The following DTD1 variants were observed in gnomAD, a reference collection of about 807,000 sequenced individuals.
The protein encoded by DTD1 is D-aminoacyl-tRNA deacylase 1.
DTD1 carries 13 observed loss-of-function variants against 25.6 expected under a neutral mutation model. The ratio of observed to expected loss-of-function variants is 0.51; its 90% CI spans 0.33 to 0.81. DTD1 has a LOEUF of 0.81. Among genes scored for constraint, DTD1 ranks in the 30% least tolerant of loss-of-function variants. The probability of loss-of-function intolerance (pLI) is 0.02; values close to 1 mark genes in which losing one functional copy is unlikely to be tolerated. For missense variants in DTD1, 193 were observed against 266.4 expected (o/e 0.72, Z 1.92); for synonymous variants, 110 against 103.6 (o/e 1.06, Z -0.37).
chr20:18,756,482 A>G (rs1376872224), intron 5 of DTD1, among the ~76,000 whole-genome samples: 1 of 152,230 alleles, frequency 6.6e-6, no homozygotes, highest in Non-Finnish European at 1.5e-5. Context: ...TCAGCTTTCT[A>G]CATATGGCTA....
At chr20:18,661,583 G>A (rs1051670911) in intron 4 of DTD1, among the ~76,000 whole-genome samples, 3 of 152,078 alleles carry the variant, frequency 2.0e-5, no homozygotes, top group Non-Finnish European at 4.4e-5. Context: ...GTGTTAGCCA[G>A]GATGGTTTTG....
chr20:18,638,919 G>A (rs192073962), intron 4 of DTD1, among the ~76,000 whole-genome samples: 1 of 152,254 alleles, frequency 6.6e-6, no homozygotes, highest in Non-Finnish European at 1.5e-5. Context: ...TTTTCTGTCA[G>A]TGACTCATGT....
chr20:18,650,394 G>T (rs894770645), intron 4 of DTD1, among the ~76,000 whole-genome samples: 1 of 152,134 alleles, frequency 6.6e-6, no homozygotes, highest in African/African-American at 2.4e-5. Context: ...TCATGTTGCA[G>T]CCTATCACGG....
At chr20:18,690,772 A>G (rs1486505820) in intron 4 of DTD1, among the ~76,000 whole-genome samples, 1 of 151,924 alleles carries the variant, frequency 6.6e-6, no homozygotes, top group African/African-American at 2.4e-5. Flanking sequence ...AATGTCAGGT[A>G]ATGTGATGCC....
chr20:18,612,817 C>T (rs2060693049), intron 3 of DTD1, among the ~76,000 whole-genome samples: 1 of 152,080 alleles, frequency 6.6e-6, no homozygotes. Flanking sequence ...TGCCACCACA[C>T]CTGGCTAATT....
At chr20:18,720,342 A>C (rs2061197136) in intron 4 of DTD1, among the ~76,000 whole-genome samples, 1 of 152,240 alleles carries the variant, frequency 6.6e-6, no homozygotes. Flanking sequence ...CTAACTAGGT[A>C]ACCTCATTTG....
rs1220448754 is a variant in DTD1 at position 18,631,944 on chromosome 20, A to AT, written c.477+3715dup. 15 of 965,328 alleles carry AT rather than the reference A, an allele frequency of 1.6e-5. No individual in the cohort carries two copies. The African/African-American group carries it at 2.5e-4, about 16-fold the overall frequency. The allele number at this position is 965,328 out of a possible 1,614,324, so 59.8% of individuals were successfully genotyped here. The stretch of plus-strand genomic sequence containing the variant: ...GGTCAAAGGGTACAAAGATGCAGTT[A>AT]TTTTGGGTGAGTAAGTCTCAAGATC... On this transcript the variant is annotated intron_variant, in intron 4 of 5. Coordinates refer to ENST00000377452, the MANE Select transcript of DTD1 (RefSeq NM_080820.6).
chr20:18,744,375 C>A, intron 5 of DTD1, 104 bp downstream of exon 5: 1 of 1,237,364 alleles, frequency 8.1e-7, no homozygotes, highest in Non-Finnish European at 1.1e-6. Flanking sequence ...TCACAGCGTT[C>A]ATCCATAGCT....
Position 18,764,284 on chromosome 20 carries a change from C to G in DTD1, c.*944C>G, listed in dbSNP as rs542626895. On this transcript the variant is annotated 3_prime_UTR_variant, in exon 6 of 6. Transcript: ENST00000377452. The stretch of plus-strand genomic sequence containing the variant: ...CTTTATCCAGTAGCTACATGGTTGT[C>G]CATGTATCCAAGTCACCACACCCAG... 1 of 152,264 alleles carries G rather than the reference C, an allele frequency of 6.6e-6. No individual in the cohort carries two copies. Among genetic ancestry groups the G allele is most frequent in the East Asian group, 1.9e-4 (1 of 5,182 alleles). The allele number at this position is 152,264 out of a possible 1,614,324, so 9.4% of individuals were successfully genotyped here. A position where few individuals can be genotyped will look rare whatever the true frequency, so the allele number is the denominator to read the frequency against.
chr20:18,636,017 T>G (rs546984814), intron 4 of DTD1, among the ~76,000 whole-genome samples: 1 of 152,372 alleles, frequency 6.6e-6, no homozygotes, highest in Non-Finnish European at 1.5e-5. Context: ...ATATCTGTTT[T>G]GCTTTAAACC....
chr20:18,688,804 G>A (rs540924514), intron 4 of DTD1, among the ~76,000 whole-genome samples: 49 of 152,180 alleles, frequency 3.2e-4, no homozygotes, highest in African/African-American at 9.9e-4. Flanking sequence ...GGTAACCCGT[G>A]TACCTGGGAG....
At chr20:18,598,757 T>C (rs34500848) in intron 3 of DTD1, among the ~76,000 whole-genome samples, 1,761 of 151,782 alleles carry the variant, frequency 0.012, 24 homozygotes, top group Non-Finnish European at 0.016. Flanking sequence ...GATCTGCCTG[T>C]CTTGGCCTCC....
In DTD1 at chr20:18,765,294, A is replaced by C. The variant is rs1051872514; in HGVS notation, c.*1954A>C. ...GGAGCAATGGGTGTAAGTTGCATCA[A>C]CGTAGATTCTGGCATTCTAACAACA... is the stretch of plus-strand genomic sequence containing the variant. On this transcript the variant is annotated 3_prime_UTR_variant, in exon 6 of 6. Coordinates refer to ENST00000377452, the MANE Select transcript of DTD1 (RefSeq NM_080820.6). 6.6e-6 allele frequency: 1 copy of C among 152,272 alleles called. No homozygotes were observed. Among genetic ancestry groups the C allele is most frequent in the Admixed American group, 6.5e-5 (1 of 15,288 alleles). The allele number at this position is 152,272 out of a possible 1,614,324, so 9.4% of individuals were successfully genotyped here.
chr20:18,622,841 G>A (rs752622921), intron 3 of DTD1, among the ~76,000 whole-genome samples: 2 of 152,068 alleles, frequency 1.3e-5, no homozygotes, highest in Admixed American at 6.6e-5. Flanking sequence ...TGTTGCCAAG[G>A]AAGTTTCCCA....
chr20:18,743,673 C>CAAA (rs11474877), intron 4 of DTD1, among the ~76,000 whole-genome samples: 11 of 105,078 alleles, frequency 1.0e-4, no homozygotes, highest in South Asian at 3.1e-4. Context: ...GACCCTGTCT[C>CAAA]AAAAAAAAAA....
intron 4 of DTD1, among the ~76,000 whole-genome samples, chr20:18,648,888 C>T (rs547613480): frequency 6.4e-4 from 90 of 139,620 alleles, no homozygotes; most frequent in African/African-American, 2.2e-3. Flanking sequence ...CCCAGCTACT[C>T]GGGAGGCTGA....
At chr20:18,689,297 T>A (rs1362089280) in intron 4 of DTD1, among the ~76,000 whole-genome samples, 2 of 152,128 alleles carry the variant, frequency 1.3e-5, no homozygotes, top group African/African-American at 4.8e-5. Flanking sequence ...CCCCTTTGTA[T>A]GTGTGTTATG....
chr20:18,709,834 G>T (rs946450596), intron 4 of DTD1, among the ~76,000 whole-genome samples: 1 of 152,114 alleles, frequency 6.6e-6, no homozygotes, highest in African/African-American at 2.4e-5. Flanking sequence ...GAAGTTAGAG[G>T]TCAGGGAGGG....
At chr20:18,761,536 T>C (rs1231409194) in intron 5 of DTD1, among the ~76,000 whole-genome samples, 1 of 152,220 alleles carries the variant, frequency 6.6e-6, no homozygotes, top group Non-Finnish European at 1.5e-5. Flanking sequence ...GTCATTCTTT[T>C]ACTGTGAGCT....
Sources: allele counts gnomAD v4.1 joint callset (sites outside exome capture counted in the v4.1 genomes callset), GRCh38; gene constraint gnomAD v4.1.1; transcripts MANE v1.5; gene names NCBI Gene and HGNC (gene_info 2026-07-23, HGNC 2026-07-21).